The following MSH3 variants were observed in gnomAD, a reference collection of about 807,000 sequenced individuals.
The protein encoded by MSH3 is mutS homolog 3, also known as DNA mismatch repair protein Msh3.
A neutral mutation model predicts 123.3 loss-of-function variants in MSH3; 106 were observed. That is an observed-to-expected ratio of 0.86 (90% CI 0.73 to 1.01). The LOEUF is 1.01. Among genes scored for constraint, MSH3 ranks in the 50% least tolerant of loss-of-function variants. The pLI is 0.00. For missense variants in MSH3, 1,459 were observed against 1,347.6 expected (o/e 1.08, Z -1.29); for synonymous variants, 515 against 481.4 (o/e 1.07, Z -0.91).
chr5:80,841,896 A>G (rs1449590035), intron 20 of MSH3, among the ~76,000 whole-genome samples: 1 of 151,926 alleles, frequency 6.6e-6, no homozygotes, highest in Non-Finnish European at 1.5e-5. Flanking sequence ...CTATGCAGAA[A>G]CTTTTTAGTT....
chr5:80,762,825 GTTATGTTATT>G (rs1554072043), intron 13 of MSH3, among the ~76,000 whole-genome samples: 214 of 140,500 alleles, frequency 1.5e-3, no homozygotes, highest in African/African-American at 4.1e-3. Flanking sequence ...GTTATGTTAT[GTTATGTTATT>G]TTATGTTATT....
intron 2 of MSH3, among the ~76,000 whole-genome samples, chr5:80,661,279 C>T (rs745497132): frequency 6.6e-5 from 10 of 152,060 alleles, no homozygotes; most frequent in Non-Finnish European, 1.2e-4. Context: ...GAGTTTATTA[C>T]GGGGATGTTA....
chr5:80,869,722 TTATA>T (rs1166584594), intron 22 of MSH3, among the ~76,000 whole-genome samples: 1 of 148,058 alleles, frequency 6.8e-6, no homozygotes, highest in Non-Finnish European at 1.5e-5. Context: ...ATATTATACA[TTATA>T]TATATAATTA....
intron 8 of MSH3, among the ~76,000 whole-genome samples, chr5:80,725,075 G>A (rs759384811): frequency 1.3e-5 from 2 of 151,846 alleles, no homozygotes; most frequent in South Asian, 2.1e-4. Flanking sequence ...TTAGCTGGGC[G>A]TGATGGCGGG....
chr5:80,814,395 C>G (rs1745065926), intron 20 of MSH3, among the ~76,000 whole-genome samples: 1 of 152,182 alleles, frequency 6.6e-6, no homozygotes, highest in African/African-American at 2.4e-5. Context: ...CCTCAGCCTC[C>G]TGAATAGCTG....
At chr5:80,680,007 AT>A (rs1399920002) in intron 8 of MSH3, among the ~76,000 whole-genome samples, 7 of 152,246 alleles carry the variant, frequency 4.6e-5, no homozygotes, top group African/African-American at 1.2e-4. Context: ...CACGCCTGTA[AT>A]CCTAGCACTT....
chr5:80,854,941 T>C (rs1745891127), intron 21 of MSH3, among the ~76,000 whole-genome samples: 1 of 152,196 alleles, frequency 6.6e-6, no homozygotes, highest in African/African-American at 2.4e-5. Flanking sequence ...ATTTCCACTT[T>C]GTGAAATCCT....
chr5:80,729,240 C>A (rs1243808064), intron 10 of MSH3, among the ~76,000 whole-genome samples: 1 of 151,322 alleles, frequency 6.6e-6, no homozygotes, highest in Non-Finnish European at 1.5e-5. Context: ...ATGGTGAAAC[C>A]CCGTCTCTAC....
Position 80,864,839 on chromosome 5 carries a change from C to T in MSH3, c.3027C>T (p.Thr1009=), listed in dbSNP as rs145319344. The T allele has an allele frequency of 2.2e-5, 35 of 1,612,212 alleles. No individual in the cohort carries two copies. The highest frequency in any genetic ancestry group is 3.0e-5 in the Non-Finnish European group (35 of 1,178,548). ...RDVKSLTLFV[T]HYPPVCELEK... is the part of the protein sequence containing the mutation. ...TGAAATCCTTAACCCTGTTTGTCAC[C>T]CATTATCCGCCAGTTTGTGAACTAG... Residue 1009 remains threonine, a synonymous_variant, in exon 22 of 24, where the codon ACC becomes ACT. Transcript: ENST00000265081.
At chr5:80,843,307 A>G (rs1345326140) in intron 20 of MSH3, among the ~76,000 whole-genome samples, 1 of 152,208 alleles carries the variant, frequency 6.6e-6, no homozygotes, top group Non-Finnish European at 1.5e-5. Context: ...TTGGTTTGCC[A>G]GTATTTTATT....
chr5:80,819,181 TAAG>T (rs1268089909), intron 20 of MSH3, among the ~76,000 whole-genome samples: 1 of 151,836 alleles, frequency 6.6e-6, no homozygotes. Flanking sequence ...AGTTATGCAA[TAAG>T]AAGGCCATTA....
chr5:80,682,200 T>C (rs1749987907), intron 8 of MSH3, among the ~76,000 whole-genome samples: 1 of 152,200 alleles, frequency 6.6e-6, no homozygotes, highest in South Asian at 2.1e-4. Flanking sequence ...GTGTGGACTC[T>C]TGTGACTCAG....
chr5:80,658,163 A>G (rs765292625), intron 2 of MSH3, among the ~76,000 whole-genome samples: 2 of 151,212 alleles, frequency 1.3e-5, no homozygotes, highest in East Asian at 2.0e-4. Context: ...GGTTCAAGCA[A>G]TTCTCCTGCC....
chr5:80,671,500 A>G (rs988897687), intron 4 of MSH3, among the ~76,000 whole-genome samples: 1 of 152,230 alleles, frequency 6.6e-6, no homozygotes, highest in South Asian at 2.1e-4. Context: ...TTCTGAGGGC[A>G]GGAACAAATA....
chr5:80,825,156 A>G (rs1330136148), intron 20 of MSH3, among the ~76,000 whole-genome samples: 1 of 152,114 alleles, frequency 6.6e-6, no homozygotes, highest in Non-Finnish European at 1.5e-5. Flanking sequence ...TACCCTACTA[A>G]AGAAATAAAA....
chr5:80,813,945 G>A (rs999414630), intron 20 of MSH3, among the ~76,000 whole-genome samples: 2 of 152,066 alleles, frequency 1.3e-5, no homozygotes, highest in African/African-American at 4.8e-5. Flanking sequence ...AGGATCACTT[G>A]AGTCTAGGAG....
At chr5:80,786,754 C>A (rs1267691112) in intron 17 of MSH3, among the ~76,000 whole-genome samples, 1 of 152,086 alleles carries the variant, frequency 6.6e-6, no homozygotes, top group Admixed American at 6.5e-5. Flanking sequence ...CGACACTACA[C>A]ACATTGACAT....
chr5:80,761,875 A>G (rs1216758439), intron 13 of MSH3, among the ~76,000 whole-genome samples, 197 bp downstream of exon 13: 1 of 152,200 alleles, frequency 6.6e-6, no homozygotes, highest in Non-Finnish European at 1.5e-5. Flanking sequence ...TGTAGAAAAT[A>G]AAGTTTTCTC....
chr5:80,662,712 A>G (rs561348985), intron 2 of MSH3, among the ~76,000 whole-genome samples: 30 of 152,194 alleles, frequency 2.0e-4, no homozygotes, highest in African/African-American at 7.2e-4. Flanking sequence ...CTGTAATCCC[A>G]GCTATTCAGG....
Sources: allele counts gnomAD v4.1 joint callset (sites outside exome capture counted in the v4.1 genomes callset), GRCh38; gene constraint gnomAD v4.1.1; transcripts MANE v1.5; gene names NCBI Gene and HGNC (gene_info 2026-07-23, HGNC 2026-07-21).